The following TMEM178B variants were observed in gnomAD, a reference collection of about 807,000 sequenced individuals.
TMEM178B encodes the protein transmembrane protein 178B.
A neutral mutation model predicts 31.0 loss-of-function variants in TMEM178B; 5 were observed. The observed-to-expected ratio is 0.16, with a 90% CI of 0.08 to 0.34. The LOEUF (loss-of-function observed/expected upper bound fraction) is 0.34, where lower values mean the gene tolerates loss of function less well. Among genes scored for constraint, TMEM178B ranks in the 10% least tolerant of loss-of-function variants. The pLI is 1.00. For synonymous variants in TMEM178B, 164 were observed against 164.0 expected (o/e 1.00, Z 0.00); for missense variants, 275 against 400.3 (o/e 0.69, Z 2.67).
chr7:141,403,478 A>G lies in TMEM178B; in HGVS notation c.497-34130A>G, dbSNP rs1323427141. Among the ~76,000 whole-genome samples the G allele has an allele frequency of 6.6e-5, 10 of 152,176 alleles. 1 individual carries two copies. Among genetic ancestry groups the G allele is most frequent in the Admixed American group, 6.5e-5 (1 of 15,286 alleles). ...GAGCTCCCAACGGCTCAGCCCCTAC[A>G]GGGAGAGAGCCTGGTTATTATCCAC... On this transcript the variant is annotated intron_variant, in intron 2 of 3. Coordinates refer to ENST00000565468, the MANE Select transcript of TMEM178B (RefSeq NM_001195278.2).
At chr7:141,139,414 T>C (rs2129178904) in intron 1 of TMEM178B, among the ~76,000 whole-genome samples, 2 of 152,290 alleles carry the variant, frequency 1.3e-5, no homozygotes, top group Middle Eastern at 6.8e-3. Flanking sequence ...TTCAGTGACA[T>C]AATCATGGCT....
At chr7:141,076,669 A>G (rs1794605584) in intron 1 of TMEM178B, among the ~76,000 whole-genome samples, 1 of 152,216 alleles carries the variant, frequency 6.6e-6, no homozygotes, top group African/African-American at 2.4e-5. Context: ...GGAAAGGGAT[A>G]GGGGAAGAAT....
chr7:141,469,197 G>A (rs1008221950), intron 3 of TMEM178B, among the ~76,000 whole-genome samples: 2 of 152,148 alleles, frequency 1.3e-5, no homozygotes, highest in Admixed American at 1.3e-4. Context: ...AATGATTTGG[G>A]GGTTGCTTTT....
At chr7:141,483,372 G>C (rs531822698), downstream of TMEM178B, among the ~76,000 whole-genome samples, 1 of 152,022 alleles carries the variant, frequency 6.6e-6, no homozygotes, top group Admixed American at 6.6e-5. Context: ...CTCTTTCCCC[G>C]GGAAGACCAT....
chr7:141,188,396 G>T (rs548085555), intron 1 of TMEM178B, among the ~76,000 whole-genome samples: 266 of 152,306 alleles, frequency 1.7e-3, no homozygotes, highest in Non-Finnish European at 2.5e-3. Flanking sequence ...TGAGTATAAT[G>T]CAAGTGTTTC....
chr7:141,215,837 T>TCTTTC (rs1414444789), intron 2 of TMEM178B, among the ~76,000 whole-genome samples: 1 of 68,834 alleles, frequency 1.5e-5, no homozygotes, highest in African/African-American at 3.5e-5. Flanking sequence ...TTTCTTTCTT[T>TCTTTC]CTTTTCTTTT....
chr7:141,256,064 A>C (rs1797922690), intron 2 of TMEM178B, among the ~76,000 whole-genome samples: 1 of 151,578 alleles, frequency 6.6e-6, no homozygotes, highest in Non-Finnish European at 1.5e-5. Context: ...CCATCCCTCC[A>C]TCCCTCCATC....
chr7:141,074,666 C>T lies in TMEM178B; in HGVS notation c.356C>T (p.Pro119Leu), dbSNP rs758557485. 4.0e-6 allele frequency: 6 copies of T among 1,516,462 alleles called. No individual in the cohort carries two copies. The highest frequency in any genetic ancestry group is 1.4e-5 in the African/African-American group (1 of 72,564). The allele number at this position is 1,516,462 out of a possible 1,614,324, so 93.9% of individuals were successfully genotyped here. A position where few individuals can be genotyped will look rare whatever the true frequency, so the allele number is the denominator to read the frequency against. Residue 119 changes from proline (P) to leucine (L), a missense_variant, in exon 1 of 4, where the codon CCC becomes CTC. Pro to Leu is a moderately conservative substitution (Grantham distance 98, BLOSUM62 -3). Coordinates refer to ENST00000565468, the MANE Select transcript of TMEM178B (RefSeq NM_001195278.2). This position sits in a 1 kb window ranked among gnomAD's most constrained non-coding sequence, Gnocchi z 5.1. ...AAGTGCCACCGGCAGGGCTTCGACC[C>T]CGAGATCGCCGCCCTCATTCGGAAA... Reference protein sequence around the residue: ...WRKCHRQGFDPEIAALIRKGE... With the variant: ...WRKCHRQGFDLEIAALIRKGE...
At position 141,287,741 on chromosome 7, in the gene TMEM178B, C is replaced by T. The variant is rs527911291; in HGVS notation, c.496+75037C>T. Among the ~76,000 whole-genome samples the T allele has an allele frequency of 9.8e-5, 15 of 152,316 alleles. No homozygotes were observed. The South Asian group carries it at 3.1e-3, about 32-fold the overall frequency. ...TGTGAGCCCCACCTTCAGTGCTGGGCAGTGCTTTATCGGGGCCTGAATAGT... is the reference window on the plus strand; with the variant it reads ...TGTGAGCCCCACCTTCAGTGCTGGGTAGTGCTTTATCGGGGCCTGAATAGT... On this transcript the variant is annotated intron_variant, in intron 2 of 3. Coordinates refer to ENST00000565468, the MANE Select transcript of TMEM178B (RefSeq NM_001195278.2).
In TMEM178B at chr7:141,479,258, C is replaced by T. The variant is rs1802432019; in HGVS notation, c.*8472C>T. ...ACATTTCGTCACCTGGGCCAGTCACCTGCTAATATCATCTCACCAATATTT... is the reference window on the plus strand; with the variant it reads ...ACATTTCGTCACCTGGGCCAGTCACTTGCTAATATCATCTCACCAATATTT... On this transcript the variant is annotated 3_prime_UTR_variant, in exon 4 of 4. Coordinates refer to ENST00000565468, the MANE Select transcript of TMEM178B (RefSeq NM_001195278.2). 6.6e-6 allele frequency: 1 copy of T among 152,242 alleles called. No individual in the cohort carries two copies. The highest frequency in any genetic ancestry group is 2.4e-5 in the African/African-American group (1 of 41,448). The allele number at this position is 152,242 out of a possible 1,614,324, so 9.4% of individuals were successfully genotyped here. A position where few individuals can be genotyped will look rare whatever the true frequency, so the allele number is the denominator to read the frequency against.
At chr7:141,495,890 G>A in the TMEM178B span, among the ~76,000 whole-genome samples, 51 of 152,292 alleles carry the variant, frequency 3.3e-4, no homozygotes, top group African/African-American at 1.0e-3. Context: ...GTTGAGAGTC[G>A]CCCTGGACTG....
rs1794833861 is a variant in TMEM178B, at chr7:141,088,977, A to T, written c.382+14285A>T. ...TTCCAGATCTAGTGCATTAACTGAG[A>T]TAAACTTTCATTCATTCAACAAATA... On this transcript the variant is annotated intron_variant, in intron 1 of 3. Coordinates refer to ENST00000565468, the MANE Select transcript of TMEM178B (RefSeq NM_001195278.2). 3.3e-5 allele frequency among the ~76,000 whole-genome samples: 5 copies of T among 152,220 alleles called. No homozygotes were observed. In the South Asian group the frequency reaches 1.0e-3, roughly 32 times the overall value.
intron 2 of TMEM178B, among the ~76,000 whole-genome samples, chr7:141,412,640 A>G (rs1413595111): frequency 6.6e-6 from 1 of 152,222 alleles, no homozygotes; most frequent in Non-Finnish European, 1.5e-5. Context: ...ATAGATTCAG[A>G]TGAGGGAAGG....
chr7:141,491,593 C>T, the TMEM178B span, among the ~76,000 whole-genome samples: 5 of 152,070 alleles, frequency 3.3e-5, no homozygotes, highest in African/African-American at 4.8e-5. Context: ...TTCCATTTTT[C>T]GAGCATTTAC....
At chr7:141,269,760 C>T (rs1798151632) in intron 2 of TMEM178B, among the ~76,000 whole-genome samples, 1 of 152,086 alleles carries the variant, frequency 6.6e-6, no homozygotes, top group South Asian at 2.1e-4. Context: ...TGAAGTTCTA[C>T]TATAAGAGTT....
chr7:141,370,422 A>G (rs1027363756), intron 2 of TMEM178B, among the ~76,000 whole-genome samples: 8 of 152,242 alleles, frequency 5.3e-5, no homozygotes, highest in Non-Finnish European at 1.0e-4. Flanking sequence ...TGCAAAGTGC[A>G]TAAGACATGG....
At chr7:141,157,766 C>G (rs1796098023) in intron 1 of TMEM178B, among the ~76,000 whole-genome samples, 1 of 152,200 alleles carries the variant, frequency 6.6e-6, no homozygotes, top group African/African-American at 2.4e-5. Flanking sequence ...GGCGTGATGC[C>G]TGGCACATCA....
At chr7:141,485,607 T>C in the TMEM178B span, among the ~76,000 whole-genome samples, 1 of 152,246 alleles carries the variant, frequency 6.6e-6, no homozygotes, top group African/African-American at 2.4e-5. Context: ...AATGAGGTGA[T>C]GTGACTCTGC....
intron 1 of TMEM178B, among the ~76,000 whole-genome samples, chr7:141,123,543 T>C (rs1363193899): frequency 6.6e-6 from 1 of 152,204 alleles, no homozygotes; most frequent in East Asian, 1.9e-4. Flanking sequence ...CCCAGGGACA[T>C]GGAGTCTAAT....
Sources: allele counts gnomAD v4.1 joint callset (sites outside exome capture counted in the v4.1 genomes callset), GRCh38; gene constraint gnomAD v4.1.1; non-coding constraint Gnocchi (gnomAD v3.1); transcripts MANE v1.5; gene names NCBI Gene and HGNC (gene_info 2026-07-23, HGNC 2026-07-21).